The following PCCA variants were observed in gnomAD, a reference collection of about 807,000 sequenced individuals.
The protein encoded by PCCA is propionyl-CoA carboxylase subunit alpha, also known as propionyl-CoA carboxylase alpha chain, mitochondrial.
In PCCA, 74 loss-of-function variants were observed where a neutral mutation model predicts 101.3. The ratio of observed to expected loss-of-function variants is 0.73; its 90% CI spans 0.61 to 0.89. The LOEUF is 0.89. Ranked by LOEUF, PCCA falls within the 40% of genes least tolerant of loss-of-function variation. PCCA has a pLI of 0.00. For synonymous variants in PCCA, 294 were observed against 313.6 expected, an observed-to-expected ratio of 0.94 and a Z score of 0.66; for missense variants, 891 against 907.0, an observed-to-expected ratio of 0.98 and a Z score of 0.23.
intron 4 of PCCA, 191 bp from the exon 5 acceptor site, chr13:100,154,788 A>G: frequency 1.7e-6 from 1 of 584,922 alleles, no homozygotes; most frequent in Non-Finnish European, 3.1e-6. Flanking sequence ...GGCTGTAATA[A>G]ATGAAATCAT....
intron 21 of PCCA, among the ~76,000 whole-genome samples, chr13:100,463,775 C>T (rs2082329725): frequency 6.6e-6 from 1 of 152,138 alleles, no homozygotes; most frequent in Non-Finnish European, 1.5e-5. Flanking sequence ...ATGCCCACAG[C>T]TAAGGTGGAG....
At chr13:100,340,683 A>G (rs2071170620) in intron 18 of PCCA, among the ~76,000 whole-genome samples, 1 of 152,250 alleles carries the variant, frequency 6.6e-6, no homozygotes, top group Non-Finnish European at 1.5e-5. Flanking sequence ...AGGTTGAGTT[A>G]GTCATTTGTG....
At chr13:100,491,899 T>G (rs1596156985) in intron 21 of PCCA, 1 of 421,294 alleles carries the variant, frequency 2.4e-6, no homozygotes, top group South Asian at 3.8e-5. Flanking sequence ...TGGGCCTCCC[T>G]GAAAGATCAA....
At chr13:100,111,203 T>C (rs2048281666) in intron 2 of PCCA, among the ~76,000 whole-genome samples, 2 of 146,768 alleles carry the variant, frequency 1.4e-5, no homozygotes, top group African/African-American at 5.0e-5. Context: ...TTTTTTTTTT[T>C]TGTATTTTTA....
At chr13:100,131,803 G>T (rs778506639) in intron 4 of PCCA, among the ~76,000 whole-genome samples, 1 of 152,210 alleles carries the variant, frequency 6.6e-6, no homozygotes, top group Non-Finnish European at 1.5e-5. Context: ...GAACTAGGCA[G>T]TTGTGGTTCC....
intron 19 of PCCA, among the ~76,000 whole-genome samples, chr13:100,417,221 T>TTA (rs2078435492): frequency 6.6e-6 from 1 of 152,152 alleles, no homozygotes; most frequent in East Asian, 1.9e-4. Flanking sequence ...TTTCAGAAAA[T>TTA]AGAGTACACT....
intron 4 of PCCA, among the ~76,000 whole-genome samples, chr13:100,112,294 A>T (rs1353519845): frequency 6.6e-6 from 1 of 152,174 alleles, no homozygotes; most frequent in Non-Finnish European, 1.5e-5. Context: ...TGCCAGGCTG[A>T]TTGCTGGTCA....
intron 12 of PCCA, among the ~76,000 whole-genome samples, chr13:100,284,410 C>T (rs567673192): frequency 6.6e-6 from 1 of 152,268 alleles, no homozygotes; most frequent in South Asian, 2.1e-4. Context: ...AAATGCCTGC[C>T]CAGTCCAAAT....
intron 6 of PCCA, among the ~76,000 whole-genome samples, chr13:100,165,246 C>T (rs1161458090): frequency 2.0e-5 from 3 of 152,052 alleles, no homozygotes; most frequent in Admixed American, 6.5e-5. Context: ...GAGGTTCTGC[C>T]CTACTGTTTT....
At chr13:100,503,492 C>A (rs188676806) in intron 21 of PCCA, among the ~76,000 whole-genome samples, 1 of 151,768 alleles carries the variant, frequency 6.6e-6, no homozygotes, top group African/African-American at 2.4e-5. Flanking sequence ...CTCCATCCCC[C>A]CCCAAAAAAG....
chr13:100,167,859 C>T (rs1239950592), intron 6 of PCCA, among the ~76,000 whole-genome samples: 5 of 152,062 alleles, frequency 3.3e-5, no homozygotes, highest in Admixed American at 1.3e-4. Flanking sequence ...CTCTGCCTCC[C>T]GGGTTCATGC....
chr13:100,316,719 A>C (rs1326715260), intron 16 of PCCA, among the ~76,000 whole-genome samples: 1 of 152,332 alleles, frequency 6.6e-6, no homozygotes, highest in East Asian at 1.9e-4. Context: ...GCAGTAGGCT[A>C]TAAACATGAA....
intron 4 of PCCA, among the ~76,000 whole-genome samples, chr13:100,124,863 G>A (rs1180153486): frequency 6.6e-6 from 1 of 152,008 alleles, no homozygotes; most frequent in East Asian, 1.9e-4. Context: ...TTTTACCTTA[G>A]ATGTATATAG....
chr13:100,308,762 C>T (rs117325821), intron 15 of PCCA, among the ~76,000 whole-genome samples: 3,794 of 152,166 alleles, frequency 0.025, 79 homozygotes, highest in Non-Finnish European at 0.036. Context: ...ATGTTTTTCT[C>T]TTCAGAAAAA....
intron 21 of PCCA, among the ~76,000 whole-genome samples, chr13:100,487,211 A>T (rs191425393): frequency 7.4e-4 from 112 of 152,354 alleles, no homozygotes; most frequent in East Asian, 1.9e-3. Context: ...TTACCTGTAT[A>T]ATAGAACAAA....
intron 22 of PCCA, among the ~76,000 whole-genome samples, chr13:100,526,208 C>T (rs1377246559): frequency 2.0e-5 from 3 of 152,340 alleles, no homozygotes; most frequent in Non-Finnish European, 4.4e-5. Flanking sequence ...ATGGGGGCCT[C>T]TGCATTGTCT....
chr13:100,424,148 A>G (rs945017236), intron 19 of PCCA, among the ~76,000 whole-genome samples: 2 of 152,208 alleles, frequency 1.3e-5, no homozygotes, highest in Non-Finnish European at 2.9e-5. Context: ...AACTATTTAG[A>G]TAGCATTTAC....
At chr13:100,479,140 G>T (rs1053949406) in intron 21 of PCCA, among the ~76,000 whole-genome samples, 1 of 152,062 alleles carries the variant, frequency 6.6e-6, no homozygotes, top group Non-Finnish European at 1.5e-5. Context: ...TTTATATACT[G>T]GGAAAAAAGG....
intron 12 of PCCA, among the ~76,000 whole-genome samples, chr13:100,300,218 T>C (rs2065951856): frequency 6.6e-6 from 1 of 152,218 alleles, no homozygotes; most frequent in Non-Finnish European, 1.5e-5. Context: ...TTACGAAGGG[T>C]TGATGCTTAT....
Sources: allele counts gnomAD v4.1 joint callset (sites outside exome capture counted in the v4.1 genomes callset), GRCh38; gene constraint gnomAD v4.1.1; transcripts MANE v1.5; gene names NCBI Gene and HGNC (gene_info 2026-07-23, HGNC 2026-07-21).